Variants in HOOK1 observed in about 807,000 individuals in gnomAD.
HOOK1 encodes the protein protein Hook homolog 1.
In HOOK1, 60 loss-of-function variants were observed where a neutral mutation model predicts 112.8. The observed-to-expected ratio is 0.53, with a 90% CI of 0.43 to 0.66. HOOK1 has a LOEUF of 0.66. Ranked by LOEUF, HOOK1 falls within the 30% of genes least tolerant of loss-of-function variation. The probability of loss-of-function intolerance (pLI) is 0.00; values close to 1 mark genes in which losing one functional copy is unlikely to be tolerated. For synonymous variants in HOOK1, 294 were observed against 283.8 expected, an observed-to-expected ratio of 1.04 and a Z score of -0.36; for missense variants, 770 against 856.0, an observed-to-expected ratio of 0.90 and a Z score of 1.25.
chr1:59,837,569 G>T (rs2098398557), intron 7 of HOOK1, among the ~76,000 whole-genome samples: 1 of 152,076 alleles, frequency 6.6e-6, no homozygotes, highest in African/African-American at 2.4e-5. Flanking sequence ...ACATTTTTCT[G>T]TAATAAAACT....
intron 12 of HOOK1, among the ~76,000 whole-genome samples, chr1:59,857,341 G>A (rs371398177): frequency 6.6e-6 from 1 of 152,262 alleles, no homozygotes; most frequent in South Asian, 2.1e-4. Flanking sequence ...GCAGAGCTGG[G>A]GAGACGGGAA....
rs1370252773 is a variant in HOOK1 at position 59,833,595 on chromosome 1, A to G, written c.406+58A>G. On this transcript the variant is annotated intron_variant, in intron 5 of 21. Coordinates refer to ENST00000371208, the MANE Select transcript of HOOK1 (RefSeq NM_015888.6). The stretch of plus-strand genomic sequence containing the variant: ...CTTTCTAGAAACTTTCTACATTGCT[A>G]TATAAGCTAGCATTAAATCATACTA... The G allele has an allele frequency of 5.1e-6, 7 of 1,369,814 alleles. No individual in the cohort carries two copies. In the African/African-American group the frequency reaches 5.8e-5, roughly 11 times the overall value. The allele number at this position is 1,369,814 out of a possible 1,614,324, so 84.9% of individuals were successfully genotyped here. A position where few individuals can be genotyped will look rare whatever the true frequency, so the allele number is the denominator to read the frequency against.
At chr1:59,861,130 C>T (rs1372787768) in intron 15 of HOOK1, among the ~76,000 whole-genome samples, 2 of 152,072 alleles carry the variant, frequency 1.3e-5, no homozygotes, top group Non-Finnish European at 1.5e-5. Flanking sequence ...GGGCTGGTCT[C>T]GAACTCCTGA....
Position 59,874,394 on chromosome 1 carries a change from A to G in HOOK1, c.*1429A>G, listed in dbSNP as rs1644103615. 1 of 152,234 alleles carries G rather than the reference A, an allele frequency of 6.6e-6. No homozygotes were observed. Among genetic ancestry groups the G allele is most frequent in the Admixed American group, 6.5e-5 (1 of 15,284 alleles). The allele number at this position is 152,234 out of a possible 1,614,324, so 9.4% of individuals were successfully genotyped here. A position where few individuals can be genotyped will look rare whatever the true frequency, so the allele number is the denominator to read the frequency against. On this transcript the variant is annotated 3_prime_UTR_variant, in exon 22 of 22. Transcript: ENST00000371208. ...GGAACTGAATTGTGACATAATTAGC[A>G]TCTTACATTCCATACAGTTGAATAC...
rs1644106159 is a variant in HOOK1, at chr1:59,874,583, A to G, written c.*1618A>G. 2 of 152,210 alleles carry G rather than the reference A, an allele frequency of 1.3e-5. No individual in the cohort carries two copies. Among genetic ancestry groups the G allele is most frequent in the Non-Finnish European group, 2.9e-5 (2 of 68,016 alleles). The allele number at this position is 152,210 out of a possible 1,614,324, so 9.4% of individuals were successfully genotyped here. A position where few individuals can be genotyped will look rare whatever the true frequency, so the allele number is the denominator to read the frequency against. ...TGTGGCCTACATGATCTTTGTTGCA[A>G]GTACTCAACTCTGCCATTATAGAGT... On this transcript the variant is annotated 3_prime_UTR_variant, in exon 22 of 22. Coordinates refer to ENST00000371208, the MANE Select transcript of HOOK1 (RefSeq NM_015888.6).
At chr1:59,850,055 A>C (rs2098406313) in intron 12 of HOOK1, among the ~76,000 whole-genome samples, 1 of 151,592 alleles carries the variant, frequency 6.6e-6, no homozygotes, top group Non-Finnish European at 1.5e-5. Flanking sequence ...TTTTGATTTT[A>C]GCTATCCTAG....
chr1:59,841,098 A>G (rs1363347624), intron 8 of HOOK1, among the ~76,000 whole-genome samples: 1 of 152,172 alleles, frequency 6.6e-6, no homozygotes, highest in East Asian at 1.9e-4. Context: ...AAATGAGTTC[A>G]TATATATAGC....
chr1:59,815,065 C>T lies in HOOK1; in HGVS notation c.-53C>T, dbSNP rs2098380072. The T allele has an allele frequency of 2.2e-6, 3 of 1,366,450 alleles. No homozygotes were observed. The highest frequency in any genetic ancestry group is 2.8e-6 in the Non-Finnish European group (3 of 1,062,380). The allele number at this position is 1,366,450 out of a possible 1,614,324, so 84.6% of individuals were successfully genotyped here. Reference sequence around the variant, plus strand: ...TGGACGCCGGCTCCTGGAGGAGAGCCGGTAGGAGGGAGTGTGAAGGTGTCC... The same window carrying T: ...TGGACGCCGGCTCCTGGAGGAGAGCTGGTAGGAGGGAGTGTGAAGGTGTCC... On this transcript the variant is annotated 5_prime_UTR_variant, in exon 1 of 22. Coordinates refer to ENST00000371208, the MANE Select transcript of HOOK1 (RefSeq NM_015888.6).
intron 4 of HOOK1, 134 bp from the exon 5 acceptor site, chr1:59,833,271 A>C (rs2098395306): frequency 1.3e-5 from 9 of 714,334 alleles, no homozygotes; most frequent in Non-Finnish European, 1.6e-5. Flanking sequence ...GGTTTTAATA[A>C]TTATTTATTT....
At chr1:59,865,011 C>CT (rs1643935701) in intron 17 of HOOK1, 152 bp from the exon 18 acceptor site, 2 of 600,572 alleles carry the variant, frequency 3.3e-6, no homozygotes, top group South Asian at 4.7e-5. Flanking sequence ...TGCCGTGTGC[C>CT]TGACTGTTTA....
At chr1:59,834,133 T>G (rs1484194241) in intron 5 of HOOK1, among the ~76,000 whole-genome samples, 1 of 152,170 alleles carries the variant, frequency 6.6e-6, no homozygotes, top group African/African-American at 2.4e-5. Context: ...CCTCCTTCCC[T>G]TGAGGGCTTT....
chr1:59,865,091 G>A (rs1643937520), intron 17 of HOOK1, 72 bp from the exon 18 acceptor site: 2 of 901,410 alleles, frequency 2.2e-6, no homozygotes, highest in East Asian at 4.8e-5. Flanking sequence ...CCAAGGGTCA[G>A]AAAGCAACTT....
At chr1:59,870,230 C>G (rs1023635328) in intron 20 of HOOK1, among the ~76,000 whole-genome samples, 1 of 152,164 alleles carries the variant, frequency 6.6e-6, no homozygotes, top group Non-Finnish European at 1.5e-5. Context: ...AAAATAGTCC[C>G]TGTAACTATA....
chr1:59,817,701 T>A (rs1336808177), intron 1 of HOOK1, among the ~76,000 whole-genome samples: 1 of 152,212 alleles, frequency 6.6e-6, no homozygotes, highest in African/African-American at 2.4e-5. Flanking sequence ...GTTCTTCCAG[T>A]GGTTGGCTGC....
chr1:59,843,023 A>G (rs1427225594), intron 8 of HOOK1, among the ~76,000 whole-genome samples: 1 of 151,994 alleles, frequency 6.6e-6, no homozygotes, highest in Admixed American at 6.6e-5. Flanking sequence ...CTATCATGAT[A>G]ACTTTGAACA....
chr1:59,872,844 G>A lies in HOOK1; in HGVS notation c.2066G>A (p.Gly689Asp), dbSNP rs1644078296. The A allele has an allele frequency of 1.3e-6, 2 of 1,486,618 alleles. No homozygotes were observed. The highest frequency in any genetic ancestry group is 1.4e-5 in the African/African-American group (1 of 71,408). 92.1% of individuals were successfully genotyped at this position (1,486,618 alleles called of 1,614,324 possible). ...ATGGAATCTAGACTTGTGAGCGGCGGTGGTGCCTGCAGTGACACTGGTGCG... is the reference window on the plus strand; with the variant it reads ...ATGGAATCTAGACTTGTGAGCGGCGATGGTGCCTGCAGTGACACTGGTGCG... ...LGMESRLVSGGGACSDTGACT... is the reference protein window; with the variant it reads ...LGMESRLVSGDGACSDTGACT... Residue 689 changes from glycine to aspartate, a missense_variant, in exon 22 of 22, where the codon GGT (glycine) becomes GAT (aspartate). Transcript: ENST00000371208.
chr1:59,836,776 G>A (rs2098397996), intron 6 of HOOK1, 97 bp from the exon 7 acceptor site: 1 of 699,012 alleles, frequency 1.4e-6, no homozygotes, highest in South Asian at 2.3e-5. Flanking sequence ...GCAAGGAAAA[G>A]CTAAATATAA....
rs1644116904 is a variant in HOOK1 at position 59,875,396 on chromosome 1, A to C, written c.*2431A>C. The C allele has an allele frequency of 6.6e-6, 1 of 152,628 alleles. No homozygotes were observed. Among genetic ancestry groups the C allele is most frequent in the African/African-American group, 2.4e-5 (1 of 41,466 alleles). 9.5% of individuals were successfully genotyped at this position (152,628 alleles called of 1,614,324 possible). A position where few individuals can be genotyped will look rare whatever the true frequency, so the allele number is the denominator to read the frequency against. On this transcript the variant is annotated 3_prime_UTR_variant, in exon 22 of 22. Coordinates refer to ENST00000371208, the MANE Select transcript of HOOK1 (RefSeq NM_015888.6). ...TATTTATATAAGACTAATGTAATTTAAAGTTCTGTATTATTGTGATTAATC... is the reference window on the plus strand; with the variant it reads ...TATTTATATAAGACTAATGTAATTTCAAGTTCTGTATTATTGTGATTAATC...
chr1:59,815,854 G>T (rs2098381009), intron 1 of HOOK1, among the ~76,000 whole-genome samples: 1 of 151,714 alleles, frequency 6.6e-6, no homozygotes, highest in African/African-American at 2.4e-5. Context: ...TAAAGAAAAT[G>T]AGTTGACATT....
Sources: allele counts gnomAD v4.1 joint callset (sites outside exome capture counted in the v4.1 genomes callset), GRCh38; gene constraint gnomAD v4.1.1; transcripts MANE v1.5; gene names NCBI Gene and HGNC (gene_info 2026-07-23, HGNC 2026-07-21).